Variants in PBX3 observed in about 807,000 individuals in gnomAD.
PBX3 encodes PBX homeobox 3.
Under a neutral mutation model 48.5 loss-of-function variants are expected in PBX3, and 14 were observed. That is an observed-to-expected ratio of 0.29 (90% confidence interval 0.19 to 0.45). PBX3 has a LOEUF of 0.45. Ranked by LOEUF, PBX3 falls within the 20% of genes least tolerant of loss-of-function variation. PBX3 has a pLI of 1.00. For synonymous variants in PBX3, 210 were observed against 200.3 expected, an observed-to-expected ratio of 1.05 and a Z score of -0.41; for missense variants, 386 against 546.7, an observed-to-expected ratio of 0.71 and a Z score of 2.93.
At chr9:125,918,279 A>C (rs148627138) in intron 3 of PBX3, among the ~76,000 whole-genome samples, 232 of 152,310 alleles carry the variant, frequency 1.5e-3, no homozygotes, top group African/African-American at 4.4e-3. Flanking sequence ...CAAGGTCCTG[A>C]GTCTCACTGT....
Position 125,859,410 on chromosome 9 carries a change from C to T in PBX3, c.275-56276C>T, listed in dbSNP as rs768378835. Among the ~76,000 whole-genome samples the T allele has an allele frequency of 1.4e-4, 22 of 152,186 alleles. 1 individual carries two copies. Among genetic ancestry groups the T allele is most frequent in the Admixed American group, 5.2e-4 (8 of 15,278 alleles). On this transcript the variant is annotated intron_variant, in intron 2 of 8. Transcript: ENST00000373489. ...AAGAACATTGCTACTGCAAGGCCTC[C>T]AATGGGTGGGACTGCAAACTTGAGG...
At chr9:125,950,824 G>A (rs994304018) in intron 5 of PBX3, among the ~76,000 whole-genome samples, 1 of 152,020 alleles carries the variant, frequency 6.6e-6, no homozygotes, top group African/African-American at 2.4e-5. Context: ...AAAATTGTGT[G>A]GATTCTTGGG....
intron 2 of PBX3, among the ~76,000 whole-genome samples, chr9:125,755,922 T>TC (rs1836506751): frequency 6.6e-6 from 1 of 152,068 alleles, no homozygotes; most frequent in South Asian, 2.1e-4. Context: ...GTCTTTTTTT[T>TC]CCTAAAACAT....
rs1309014991 is a variant in PBX3 at position 125,791,779 on chromosome 9, GA to G, written c.274+43163del. On this transcript the variant is annotated intron_variant, in intron 2 of 8. Coordinates refer to ENST00000373489, the MANE Select transcript of PBX3 (RefSeq NM_006195.6). ...TGAAACCCCGTCTCTACTGAAAATAGAAAAAAATTAGCCGGGCGTGGTGGCA... is the reference window on the plus strand; with the variant it reads ...TGAAACCCCGTCTCTACTGAAAATAGAAAAAATTAGCCGGGCGTGGTGGCA... Among the ~76,000 whole-genome samples the G allele has an allele frequency of 7.9e-5, 12 of 151,570 alleles. No homozygotes were observed. The South Asian group carries it at 2.1e-3, about 26-fold the overall frequency.
chr9:125,880,662 C>G (rs1840360757), intron 2 of PBX3, among the ~76,000 whole-genome samples: 1 of 152,040 alleles, frequency 6.6e-6, no homozygotes, highest in South Asian at 2.1e-4. Context: ...ATCTAGTATT[C>G]TAAGTCTGTA....
chr9:125,845,370 A>C (rs1285886632), intron 2 of PBX3, among the ~76,000 whole-genome samples: 1 of 152,092 alleles, frequency 6.6e-6, no homozygotes, highest in Admixed American at 6.6e-5. Flanking sequence ...ATTACGCTAA[A>C]ACAAAAAATA....
chr9:125,964,192 C>T (rs1366639116), intron 8 of PBX3, among the ~76,000 whole-genome samples: 2 of 152,140 alleles, frequency 1.3e-5, no homozygotes, highest in Admixed American at 1.3e-4. Flanking sequence ...AATCTCAAAC[C>T]ACCAGAGTAA....
intron 2 of PBX3, among the ~76,000 whole-genome samples, chr9:125,772,655 A>G (rs1289507432): frequency 1.3e-5 from 2 of 152,206 alleles, no homozygotes; most frequent in Non-Finnish European, 2.9e-5. Flanking sequence ...AGCTTTCAGG[A>G]TTGTGAGAAT....
intron 2 of PBX3, among the ~76,000 whole-genome samples, chr9:125,767,811 A>G (rs1347075061): frequency 6.6e-6 from 1 of 152,130 alleles, no homozygotes; most frequent in African/African-American, 2.4e-5. Flanking sequence ...TGGTTCTACA[A>G]ACACTCAGAC....
At chr9:125,783,629 T>G (rs920900894) in intron 2 of PBX3, among the ~76,000 whole-genome samples, 1 of 152,166 alleles carries the variant, frequency 6.6e-6, no homozygotes, top group African/African-American at 2.4e-5. Flanking sequence ...ATACTCTGTT[T>G]TTGTTAAAAC....
chr9:125,949,252 CAG>C (rs1338727650), intron 5 of PBX3: 1 of 1,194,024 alleles, frequency 8.4e-7, no homozygotes, highest in Non-Finnish European at 1.2e-6. Context: ...ATAATTTGCT[CAG>C]GGGATTCAGG....
At chr9:125,936,037 A>G (rs972443437) in intron 5 of PBX3, among the ~76,000 whole-genome samples, 1 of 152,250 alleles carries the variant, frequency 6.6e-6, no homozygotes, top group African/African-American at 2.4e-5. Flanking sequence ...GGAATTCACC[A>G]GGCCCTTTCT....
At chr9:125,827,653 C>T (rs189228328) in intron 2 of PBX3, among the ~76,000 whole-genome samples, 34 of 152,206 alleles carry the variant, frequency 2.2e-4, no homozygotes, top group Non-Finnish European at 4.1e-4. Context: ...ATTTTGATAT[C>T]CGTGAATTGA....
At chr9:125,943,104 C>T (rs2132551099) in intron 5 of PBX3, among the ~76,000 whole-genome samples, 1 of 152,170 alleles carries the variant, frequency 6.6e-6, no homozygotes, top group Admixed American at 6.5e-5. Context: ...CAGTGGCTCA[C>T]ACCTGTAATC....
At chr9:125,921,607 G>A (rs971258761) in intron 3 of PBX3, among the ~76,000 whole-genome samples, 3 of 152,068 alleles carry the variant, frequency 2.0e-5, no homozygotes, top group Non-Finnish European at 2.9e-5. Flanking sequence ...TAGGTAAGAA[G>A]TGTTGAGGTA....
chr9:125,793,522 TG>T (rs1450716670), intron 2 of PBX3, among the ~76,000 whole-genome samples: 1 of 151,458 alleles, frequency 6.6e-6, no homozygotes, highest in Non-Finnish European at 1.5e-5. Flanking sequence ...CTTCGCCTCC[TG>T]GGTTCAAGCA....
intron 1 of PBX3, 71 bp downstream of exon 1, chr9:125,747,724 G>T: frequency 7.9e-7 from 1 of 1,260,106 alleles, no homozygotes. Context: ...TCGAGGCCCG[G>T]GGTGGCGCCC....
chr9:125,848,274 A>C (rs1487042144), intron 2 of PBX3, among the ~76,000 whole-genome samples: 2 of 152,080 alleles, frequency 1.3e-5, no homozygotes, highest in Non-Finnish European at 2.9e-5. Context: ...CTCAAGGTAT[A>C]GTCTCTTGAT....
At chr9:125,823,943 G>T (rs548627042) in intron 2 of PBX3, among the ~76,000 whole-genome samples, 151 of 152,080 alleles carry the variant, frequency 9.9e-4, no homozygotes, top group African/African-American at 3.3e-3. Context: ...AGGCATGGTG[G>T]CCCGCACCTG....
Sources: allele counts gnomAD v4.1 joint callset (sites outside exome capture counted in the v4.1 genomes callset), GRCh38; gene constraint gnomAD v4.1.1; transcripts MANE v1.5; gene names NCBI Gene and HGNC (gene_info 2026-07-23, HGNC 2026-07-21).